Variants in PLD5 observed in about 807,000 individuals in gnomAD.
The protein encoded by PLD5 is phospholipase D family member 5, also known as inactive phospholipase D5.
A neutral mutation model predicts 61.1 loss-of-function variants in PLD5; 36 were observed. The observed-to-expected ratio is 0.59, with a 90% CI of 0.45 to 0.78. PLD5 has a LOEUF of 0.78. PLD5 is among the 30% of genes least tolerant of loss of function. The probability of loss-of-function intolerance (pLI) is 0.00; values close to 1 mark genes in which losing one functional copy is unlikely to be tolerated. For missense variants in PLD5, 515 were observed against 644.4 expected (o/e 0.80, Z 2.17); for synonymous variants, 243 against 242.8 (o/e 1.00, Z -0.01).
chr1:242,496,456 C>G (rs1668372363), intron 1 of PLD5, among the ~76,000 whole-genome samples: 1 of 152,236 alleles, frequency 6.6e-6, no homozygotes, highest in Non-Finnish European at 1.5e-5. Flanking sequence ...GCTTCTACCA[C>G]AGCCTTATCA....
chr1:242,483,353 G>A (rs1375638428), intron 1 of PLD5, among the ~76,000 whole-genome samples: 1 of 152,292 alleles, frequency 6.6e-6, no homozygotes, highest in African/African-American at 2.4e-5. Flanking sequence ...AAAATAAAGG[G>A]ATGGAGGAAG....
intron 1 of PLD5, among the ~76,000 whole-genome samples, chr1:242,453,506 T>A (rs1666851844): frequency 2.6e-5 from 4 of 152,194 alleles, no homozygotes; most frequent in Admixed American, 2.6e-4. Flanking sequence ...GAAATGTTTT[T>A]GAGAAGCCCA....
intron 5 of PLD5, among the ~76,000 whole-genome samples, chr1:242,181,267 G>A (rs758305302): frequency 1.3e-5 from 2 of 152,168 alleles, no homozygotes; most frequent in African/African-American, 4.8e-5. Flanking sequence ...CACACTTGCA[G>A]TAGCAAGGCG....
In PLD5 at chr1:242,371,861, T is replaced by C. The variant is rs548434458; in HGVS notation, c.190-23619A>G. ...CATTTTAGTTTTTTGCCTGCTTTTT[T>C]TAAAAGTTTTTTTTTTTAATTATAC... On this transcript the variant is annotated intron_variant, in intron 1 of 9. Coordinates refer to ENST00000536534, the MANE Select transcript of PLD5 (RefSeq NM_001372062.1). Among the ~76,000 whole-genome samples the C allele has an allele frequency of 6.2e-4, 92 of 148,606 alleles. No individual in the cohort carries two copies. The Middle Eastern group carries it at 0.014, about 22-fold the overall frequency.
intron 1 of PLD5, among the ~76,000 whole-genome samples, chr1:242,501,790 T>TTTTATATATATATATATATA (rs770416059): frequency 2.0e-5 from 3 of 147,164 alleles, no homozygotes; most frequent in African/African-American, 7.4e-5. Flanking sequence ...TAATATTCCA[T>TTTTATATATATATATATATA]TATATATATA....
At chr1:242,259,121 T>A (rs1673243994) in intron 4 of PLD5, among the ~76,000 whole-genome samples, 1 of 151,956 alleles carries the variant, frequency 6.6e-6, no homozygotes, top group Non-Finnish European at 1.5e-5. Flanking sequence ...GAGATGAAGG[T>A]GAAAGGGAAA....
chr1:242,392,123 G>A (rs1029689017), intron 1 of PLD5, among the ~76,000 whole-genome samples: 3 of 152,124 alleles, frequency 2.0e-5, no homozygotes, highest in African/African-American at 4.8e-5. Flanking sequence ...GGAAGCAGCT[G>A]GAAGCCATTA....
At chr1:242,417,579 C>T (rs1339134396) in intron 1 of PLD5, among the ~76,000 whole-genome samples, 1 of 152,212 alleles carries the variant, frequency 6.6e-6, no homozygotes, top group East Asian at 1.9e-4. Flanking sequence ...AGGAGCAGTA[C>T]CTATGCTGTT....
intron 4 of PLD5, among the ~76,000 whole-genome samples, chr1:242,234,904 C>A (rs1253725240): frequency 1.3e-5 from 2 of 151,362 alleles, no homozygotes; most frequent in East Asian, 3.9e-4. Flanking sequence ...GACTTGAGGG[C>A]CCTGACATCC....
chr1:242,394,076 AT>A (rs1332113258), intron 1 of PLD5, among the ~76,000 whole-genome samples: 1 of 145,428 alleles, frequency 6.9e-6, no homozygotes, highest in Non-Finnish European at 1.5e-5. Context: ...ACATATATAT[AT>A]ATGAGTATAT....
chr1:242,437,523 C>G (rs7523604), intron 1 of PLD5, among the ~76,000 whole-genome samples: 2,638 of 152,068 alleles, frequency 0.017, 73 homozygotes, highest in African/African-American at 0.056. Flanking sequence ...ATGGAAAAAC[C>G]CTGTCTCTAC....
intron 1 of PLD5, among the ~76,000 whole-genome samples, chr1:242,486,442 C>T (rs1272700393): frequency 6.6e-6 from 1 of 151,956 alleles, no homozygotes; most frequent in Admixed American, 6.6e-5. Flanking sequence ...TTTATGCAGC[C>T]AAAAGACACA....
chr1:242,478,974 G>A (rs906468777), intron 1 of PLD5, among the ~76,000 whole-genome samples: 3 of 152,134 alleles, frequency 2.0e-5, no homozygotes, highest in East Asian at 1.9e-4. Context: ...GTTTTTTGAC[G>A]ATATGAAGAC....
At chr1:242,464,585 G>A (rs944617120) in intron 1 of PLD5, among the ~76,000 whole-genome samples, 1 of 152,224 alleles carries the variant, frequency 6.6e-6, no homozygotes, top group Non-Finnish European at 1.5e-5. Flanking sequence ...TACAGCCACT[G>A]TGGAAACAGT....
rs397760589 is a variant in PLD5, at chr1:242,364,630, C to T, written c.190-16388G>A. Reference sequence around the variant, plus strand: ...ACTTGGGAGGTTGAGGCATGAGAATCGTTTAAACCCAGGAGGCGGAGGTTG... The same window carrying T: ...ACTTGGGAGGTTGAGGCATGAGAATTGTTTAAACCCAGGAGGCGGAGGTTG... On this transcript the variant is annotated intron_variant, in intron 1 of 9. Coordinates refer to ENST00000536534, the MANE Select transcript of PLD5 (RefSeq NM_001372062.1). 1.2e-4 allele frequency among the ~76,000 whole-genome samples: 19 copies of T among 152,104 alleles called. No homozygotes were observed. The South Asian group carries it at 3.7e-3, about 30-fold the overall frequency.
At chr1:242,521,213 A>C (rs1572286145) in intron 1 of PLD5, among the ~76,000 whole-genome samples, 1 of 152,224 alleles carries the variant, frequency 6.6e-6, no homozygotes, top group African/African-American at 2.4e-5. Flanking sequence ...TGTTCATCTT[A>C]AGTGTCGACC....
At chr1:242,105,236 C>T (rs201565198) in intron 8 of PLD5, among the ~76,000 whole-genome samples, 86 of 108,588 alleles carry the variant, frequency 7.9e-4, no homozygotes, top group African/African-American at 2.2e-3. Flanking sequence ...TTTTTTTTTT[C>T]CTTCAGAGAC....
intron 1 of PLD5, among the ~76,000 whole-genome samples, chr1:242,375,503 G>A (rs1311369353): frequency 6.6e-6 from 1 of 152,148 alleles, no homozygotes; most frequent in Admixed American, 6.6e-5. Flanking sequence ...CAGTTATGAT[G>A]GATGGAGTGC....
At chr1:242,522,487 T>A (rs1482179047) in intron 1 of PLD5, among the ~76,000 whole-genome samples, 1 of 152,226 alleles carries the variant, frequency 6.6e-6, no homozygotes, top group Non-Finnish European at 1.5e-5. Context: ...CATAGAAGGC[T>A]GCACCACTGA....
Sources: allele counts gnomAD v4.1 joint callset (sites outside exome capture counted in the v4.1 genomes callset), GRCh38; gene constraint gnomAD v4.1.1; transcripts MANE v1.5; gene names NCBI Gene and HGNC (gene_info 2026-07-23, HGNC 2026-07-21).